RBL1: variants seen among roughly 807,000 people sequenced by gnomAD.
RBL1 encodes RB transcriptional corepressor like 1, also known as retinoblastoma-like protein 1.
Under a neutral mutation model 123.0 loss-of-function variants are expected in RBL1, and 82 were observed. That is an observed-to-expected ratio of 0.67 (90% CI 0.56 to 0.80). The LOEUF is 0.80. Among genes scored for constraint, RBL1 ranks in the 30% least tolerant of loss-of-function variants. The pLI is 0.00. For synonymous variants in RBL1, 405 were observed against 441.3 expected, an observed-to-expected ratio of 0.92 and a Z score of 1.03; for missense variants, 1,171 against 1,299.6, an observed-to-expected ratio of 0.90 and a Z score of 1.52.
intron 1 of RBL1, among the ~76,000 whole-genome samples, chr20:37,094,651 TG>T (rs897276930): frequency 4.6e-5 from 7 of 152,216 alleles, no homozygotes; most frequent in Non-Finnish European, 8.8e-5. Context: ...TTTCTTTCTC[TG>T]TTTTTAGATA....
At chr20:37,017,620 T>TGTGTGTGTGTGTGTGTGTGTG (rs1600471145) in intron 19 of RBL1, among the ~76,000 whole-genome samples, 1 of 139,722 alleles carries the variant, frequency 7.2e-6, no homozygotes, top group African/African-American at 2.8e-5. Context: ...GGACATTTTC[T>TGTGTGTGTGTGTGTGTGTGTG]TGTGTGTGTG....
Position 37,066,710 on chromosome 20 carries a change from T to C in RBL1, c.846+14A>G. Reference sequence around the variant, plus strand: ...TCTGTAAACATCTCAGTCATCTAATTATAAGTACAGTACCTTCCTGTCAAA... The same window carrying C: ...TCTGTAAACATCTCAGTCATCTAATCATAAGTACAGTACCTTCCTGTCAAA... On this transcript the variant is annotated intron_variant, in intron 6 of 21. Transcript: ENST00000373664. The C allele has an allele frequency of 6.3e-7, 1 of 1,597,574 alleles. No homozygotes were observed. Among genetic ancestry groups the C allele is most frequent in the East Asian group, 2.2e-5 (1 of 44,790 alleles).
Position 37,074,231 on chromosome 20 carries a change from T to A in RBL1, c.291-6045A>T, listed in dbSNP as rs150500513. Among the ~76,000 whole-genome samples the A allele has an allele frequency of 2.0e-5, 3 of 151,970 alleles. No homozygotes were observed. In the East Asian group the frequency reaches 5.8e-4, roughly 29 times the overall value. ...GAGTTCGAGACCAGCCTGGGCAACA[T>A]AGAGAGAACCTGTCTCTATATAAAG... On this transcript the variant is annotated intron_variant, in intron 2 of 21. Transcript: ENST00000373664.
chr20:37,070,328 A>G (rs1197950267), intron 2 of RBL1, among the ~76,000 whole-genome samples: 1 of 152,146 alleles, frequency 6.6e-6, no homozygotes, highest in African/African-American at 2.4e-5. Flanking sequence ...GGACACAAAC[A>G]CCGCGGAAGG....
At chr20:37,047,700 C>T (rs990422585) in intron 11 of RBL1, among the ~76,000 whole-genome samples, 1 of 152,150 alleles carries the variant, frequency 6.6e-6, no homozygotes, top group African/African-American at 2.4e-5. Context: ...CCTAGATTGG[C>T]TGAGTGTGGT....
intron 15 of RBL1, 117 bp from the exon 16 acceptor site, chr20:37,032,993 A>T: frequency 2.3e-6 from 3 of 1,326,914 alleles, no homozygotes; most frequent in Admixed American, 2.7e-5. Context: ...GCTACAAAAT[A>T]GTAATTCTAG....
At chr20:37,045,722 G>A (rs1445337974) in intron 12 of RBL1, among the ~76,000 whole-genome samples, 1 of 152,160 alleles carries the variant, frequency 6.6e-6, no homozygotes. Context: ...ACATTAAAGT[G>A]AGTGTATAGT....
At chr20:37,044,727 T>A (rs2064790829) in intron 12 of RBL1, among the ~76,000 whole-genome samples, 1 of 152,106 alleles carries the variant, frequency 6.6e-6, no homozygotes, top group African/African-American at 2.4e-5. Flanking sequence ...TATAAAGGAG[T>A]TTTTAAGTTC....
At chr20:37,062,350 A>T in intron 7 of RBL1, 80 bp from the exon 8 acceptor site, 1 of 1,509,216 alleles carries the variant, frequency 6.6e-7, no homozygotes, top group South Asian at 1.3e-5. Flanking sequence ...TTTAGTGTTT[A>T]CAGCTTAGAA....
chr20:37,005,177 G>C (rs2064050267), intron 20 of RBL1, among the ~76,000 whole-genome samples: 1 of 151,896 alleles, frequency 6.6e-6, no homozygotes, highest in South Asian at 2.1e-4. Context: ...GGGAGGCTGA[G>C]GCGGGTGGAT....
At chr20:37,036,948 T>A (rs2064624708) in intron 14 of RBL1, among the ~76,000 whole-genome samples, 1 of 152,180 alleles carries the variant, frequency 6.6e-6, no homozygotes, top group Non-Finnish European at 1.5e-5. Flanking sequence ...TCAAAACATG[T>A]TCAAAAGGTA....
At chr20:37,064,139 CTTTTTTTTT>C (rs1037547663) in intron 7 of RBL1, among the ~76,000 whole-genome samples, 1 of 131,846 alleles carries the variant, frequency 7.6e-6, no homozygotes, top group African/African-American at 2.8e-5. Flanking sequence ...TCTTTTCTTT[CTTTTTTTTT>C]TTTTTTTTGA....
intron 11 of RBL1, chr20:37,049,321 C>A: frequency 3.1e-6 from 2 of 654,592 alleles, no homozygotes; most frequent in Non-Finnish European, 5.5e-6. Context: ...TCGGATACGA[C>A]AGAAAATGTA....
intron 2 of RBL1, among the ~76,000 whole-genome samples, chr20:37,073,966 C>G (rs1312862226): frequency 6.6e-6 from 1 of 151,870 alleles, no homozygotes; most frequent in Non-Finnish European, 1.5e-5. Flanking sequence ...AAAAAATTAG[C>G]CAGGTGTGGT....
chr20:37,003,671 T>C lies in RBL1; in HGVS notation c.3036+31A>G, dbSNP rs767471124. 6 of 1,549,466 alleles carry C rather than the reference T, an allele frequency of 3.9e-6. No individual in the cohort carries two copies. The South Asian group carries it at 7.4e-5, about 19-fold the overall frequency. Reference sequence around the variant, plus strand: ...GATTAACAGTTACTGACTGTTAATCTGAAATCCAACTTTTAGCCTATTCAC... The same window carrying C: ...GATTAACAGTTACTGACTGTTAATCCGAAATCCAACTTTTAGCCTATTCAC... On this transcript the variant is annotated intron_variant, in intron 21 of 21. Transcript: ENST00000373664.
chr20:37,004,715 A>C (rs2064041976), intron 20 of RBL1, among the ~76,000 whole-genome samples: 2 of 14,142 alleles, frequency 1.4e-4, no homozygotes, highest in Non-Finnish European at 1.4e-4. Context: ...ACTCTGCCTC[A>C]AAAAAAAAAA....
intron 11 of RBL1, among the ~76,000 whole-genome samples, chr20:37,049,007 G>A (rs1182437877): frequency 2.6e-5 from 4 of 151,288 alleles, no homozygotes; most frequent in African/African-American, 4.9e-5. Context: ...TTCGAGACCA[G>A]CTTGGCCAAC....
At chr20:37,018,436 G>A in intron 18 of RBL1, 67 bp from the exon 19 acceptor site, 1 of 1,518,012 alleles carries the variant, frequency 6.6e-7, no homozygotes, top group South Asian at 1.3e-5. Context: ...AAATCAAAGT[G>A]AGAAGAGCAA....
chr20:37,064,588 A>T (rs2065149377), intron 7 of RBL1, among the ~76,000 whole-genome samples: 1 of 152,120 alleles, frequency 6.6e-6, no homozygotes, highest in South Asian at 2.1e-4. Flanking sequence ...TAAAAAAATA[A>T]AAATAAATAC....
Sources: allele counts gnomAD v4.1 joint callset (sites outside exome capture counted in the v4.1 genomes callset), GRCh38; gene constraint gnomAD v4.1.1; transcripts MANE v1.5; gene names NCBI Gene and HGNC (gene_info 2026-07-23, HGNC 2026-07-21).